Variants in TDRD3 observed in about 807,000 individuals in gnomAD.
TDRD3 encodes tudor domain-containing protein 3.
Under a neutral mutation model 86.7 loss-of-function variants are expected in TDRD3, and 45 were observed. The ratio of observed to expected loss-of-function variants is 0.52; its 90% CI spans 0.41 to 0.67. The LOEUF is 0.67. Ranked by LOEUF, TDRD3 falls within the 30% of genes least tolerant of loss-of-function variation. The pLI is 0.00. For synonymous variants in TDRD3, 298 were observed against 301.7 expected (o/e 0.99, Z 0.13); for missense variants, 814 against 889.0 (o/e 0.92, Z 1.07).
chr13:60,519,254 G>A (rs1331132550), intron 10 of TDRD3, among the ~76,000 whole-genome samples: 1 of 152,086 alleles, frequency 6.6e-6, no homozygotes, highest in African/African-American at 2.4e-5. Context: ...CTATGTGCCA[G>A]GACTATGCTA....
intron 4 of TDRD3, among the ~76,000 whole-genome samples, chr13:60,464,593 C>T (rs1442048522): frequency 6.6e-6 from 1 of 151,710 alleles, no homozygotes; most frequent in Non-Finnish European, 1.5e-5. Flanking sequence ...CATACACACA[C>T]ACACACATAC....
intron 1 of TDRD3, among the ~76,000 whole-genome samples, chr13:60,409,332 G>C (rs1257615617): frequency 6.6e-6 from 1 of 152,210 alleles, no homozygotes; most frequent in Admixed American, 6.5e-5. Context: ...GCACTGCCTA[G>C]TAGAGCTGTG....
intron 1 of TDRD3, among the ~76,000 whole-genome samples, chr13:60,415,126 A>C (rs987667807): frequency 6.6e-6 from 1 of 152,054 alleles, no homozygotes; most frequent in African/African-American, 2.4e-5. Context: ...AAAAAAATTC[A>C]TGTGTTGATT....
intron 11 of TDRD3, among the ~76,000 whole-genome samples, chr13:60,530,899 T>A (rs941831777): frequency 1.3e-5 from 2 of 152,146 alleles, no homozygotes; most frequent in African/African-American, 4.8e-5. Flanking sequence ...GATCCTTTAA[T>A]AAGGATGCTG....
intron 1 of TDRD3, among the ~76,000 whole-genome samples, chr13:60,429,830 A>C (rs746544727): frequency 6.8e-5 from 2 of 29,588 alleles, no homozygotes; most frequent in Non-Finnish European, 1.2e-4. Context: ...TTCTCATTAG[A>C]GAAATTGTAT....
intron 8 of TDRD3, 133 bp from the exon 9 acceptor site, chr13:60,509,630 A>G: frequency 2.7e-6 from 3 of 1,120,120 alleles, no homozygotes; most frequent in South Asian, 3.0e-5. Flanking sequence ...TCAGCAAGAG[A>G]ATGTTGTATT....
chr13:60,445,887 CT>C (rs1955385370), intron 3 of TDRD3, among the ~76,000 whole-genome samples: 1 of 152,168 alleles, frequency 6.6e-6, no homozygotes, highest in Admixed American at 6.6e-5. Flanking sequence ...GAACTCACCT[CT>C]GCTACAAGCT....
intron 4 of TDRD3, among the ~76,000 whole-genome samples, chr13:60,463,825 A>G (rs1025836274): frequency 1.3e-5 from 2 of 152,222 alleles, no homozygotes; most frequent in Non-Finnish European, 2.9e-5. Flanking sequence ...CCTATTATCA[A>G]AAAGACAGAA....
At chr13:60,548,533 A>G (rs1001158655) in intron 12 of TDRD3, among the ~76,000 whole-genome samples, 1 of 152,194 alleles carries the variant, frequency 6.6e-6, no homozygotes, top group African/African-American at 2.4e-5. Context: ...TACTCATATC[A>G]TGATTAGATT....
At chr13:60,567,460 A>G (rs1958486584) in intron 12 of TDRD3, 65 bp from the exon 13 acceptor site, 2 of 1,606,092 alleles carry the variant, frequency 1.2e-6, no homozygotes, top group Admixed American at 1.7e-5. Flanking sequence ...GGACCATACA[A>G]TTTTTTTTAC....
chr13:60,446,402 T>A (rs1955400038), intron 3 of TDRD3, among the ~76,000 whole-genome samples: 1 of 151,856 alleles, frequency 6.6e-6, no homozygotes. Context: ...AATTTTTGTA[T>A]TTTTTAGTAG....
intron 2 of TDRD3, among the ~76,000 whole-genome samples, chr13:60,441,608 C>G (rs1443621307): frequency 2.6e-5 from 4 of 151,906 alleles, no homozygotes; most frequent in African/African-American, 9.7e-5. Flanking sequence ...TTTTTTTCAA[C>G]TTTTGAGTGA....
chr13:60,464,696 A>G (rs1399041717), intron 4 of TDRD3, among the ~76,000 whole-genome samples: 1 of 152,160 alleles, frequency 6.6e-6, no homozygotes, highest in Admixed American at 6.6e-5. Flanking sequence ...AGTGAAATAA[A>G]CCAGGCACAG....
At chr13:60,469,492 G>A (rs1956029220) in intron 5 of TDRD3, among the ~76,000 whole-genome samples, 1 of 151,870 alleles carries the variant, frequency 6.6e-6, no homozygotes, top group Non-Finnish European at 1.5e-5. Flanking sequence ...CCCTTGAAAT[G>A]TTTAATTATA....
At chr13:60,545,913 A>T (rs1957930266) in intron 12 of TDRD3, among the ~76,000 whole-genome samples, 1 of 151,642 alleles carries the variant, frequency 6.6e-6, no homozygotes, top group South Asian at 2.1e-4. Flanking sequence ...TCTTTATCTA[A>T]GCTCCTCCTC....
At chr13:60,562,709 T>C (rs549851645) in intron 12 of TDRD3, among the ~76,000 whole-genome samples, 1 of 152,364 alleles carries the variant, frequency 6.6e-6, no homozygotes, top group South Asian at 2.1e-4. Context: ...ATGTATGTAT[T>C]GTGACTACTA....
At chr13:60,400,719 C>T (rs1954070851) in intron 1 of TDRD3, among the ~76,000 whole-genome samples, 1 of 148,004 alleles carries the variant, frequency 6.8e-6, no homozygotes, top group Non-Finnish European at 1.5e-5. Flanking sequence ...TCCTGGGCGA[C>T]AGAGCGAGAC....
chr13:60,573,165 G>A (rs1319917032), intron 13 of TDRD3, among the ~76,000 whole-genome samples: 2 of 152,208 alleles, frequency 1.3e-5, no homozygotes, highest in Non-Finnish European at 2.9e-5. Flanking sequence ...GTGGGGAGCA[G>A]GCAGGGGGAG....
Position 60,573,762 on chromosome 13 carries a change from T to A in TDRD3, c.*156T>A. The A allele has an allele frequency of 1.7e-6, 1 of 594,558 alleles. No individual in the cohort carries two copies. Among genetic ancestry groups the A allele is most frequent in the Non-Finnish European group, 2.1e-6 (1 of 473,016 alleles). 36.8% of individuals were successfully genotyped at this position (594,558 alleles called of 1,614,324 possible). A position where few individuals can be genotyped will look rare whatever the true frequency, so the allele number is the denominator to read the frequency against. On this transcript the variant is annotated 3_prime_UTR_variant, in exon 14 of 14. Coordinates refer to ENST00000377881, the MANE Select transcript of TDRD3 (RefSeq NM_001146070.2). ...ACAGATTTTAGGGTGGAAAAAACAGTCAACTCACACAAAGAATGGAAAAAA... is the reference window on the plus strand; with the variant it reads ...ACAGATTTTAGGGTGGAAAAAACAGACAACTCACACAAAGAATGGAAAAAA...
Sources: allele counts gnomAD v4.1 joint callset (sites outside exome capture counted in the v4.1 genomes callset), GRCh38; gene constraint gnomAD v4.1.1; transcripts MANE v1.5; gene names NCBI Gene and HGNC (gene_info 2026-07-23, HGNC 2026-07-21).